GFI1B: variants seen among roughly 807,000 people sequenced by gnomAD.
GFI1B encodes the protein growth factor independent 1B transcriptional repressor, also known as zinc finger protein Gfi-1b.
GFI1B carries 20 observed loss-of-function variants against 35.3 expected under a neutral mutation model. The ratio of observed to expected loss-of-function variants is 0.57; its 90% CI spans 0.40 to 0.82. The LOEUF is 0.82. GFI1B is among the 40% of genes least tolerant of loss of function. The pLI is 0.00. For missense variants in GFI1B, 430 were observed against 446.3 expected, an observed-to-expected ratio of 0.96 and a Z score of 0.33; for synonymous variants, 178 against 177.6, an observed-to-expected ratio of 1.00 and a Z score of -0.02.
At chr9:132,980,251 A>G (rs960749475) in intron 1 of GFI1B, among the ~76,000 whole-genome samples, 1 of 152,170 alleles carries the variant, frequency 6.6e-6, no homozygotes, top group Non-Finnish European at 1.5e-5. Flanking sequence ...ATTGGACAGT[A>G]CAAGGATTTT....
In GFI1B at chr9:132,988,447, C is replaced by G; in HGVS notation, c.489C>G (p.Tyr163Ter). ...SLRYSPGMDA[Y>*]HCVKCNKVFS... Reference sequence around the variant, plus strand: ...GCTACTCCCCAGGCATGGATGCGTACCACTGTGTGAAGTGCAACAAGGTGG... The same window carrying G: ...GCTACTCCCCAGGCATGGATGCGTAGCACTGTGTGAAGTGCAACAAGGTGG... The change falls in exon 4 of 7, where the codon TAC becomes TAG. Residue 163 changes from tyrosine (Y) to a stop codon, truncating the protein, a stop_gained. Coordinates refer to ENST00000372122, the MANE Select transcript of GFI1B (RefSeq NM_001377304.1). LOFTEE classifies it high-confidence loss of function. 3 of 1,613,866 alleles carry G rather than the reference C, an allele frequency of 1.9e-6. No homozygotes were observed. The highest frequency in any genetic ancestry group is 2.5e-6 in the Non-Finnish European group (3 of 1,180,016).
At chr9:132,968,773 T>C (rs1187002991) in intron 1 of GFI1B, among the ~76,000 whole-genome samples, 1 of 152,070 alleles carries the variant, frequency 6.6e-6, no homozygotes, top group Non-Finnish European at 1.5e-5. Context: ...GGCATGGAGG[T>C]TTTGTGGTTT....
In GFI1B at chr9:132,991,068, G is replaced by A; in HGVS notation, c.*18G>A. ...TCAAGTGAGGCTGCGCCGGCTCCCAGCTCCTGGCCAGCCTGCCCTGCGGTC... is the reference window on the plus strand; with the variant it reads ...TCAAGTGAGGCTGCGCCGGCTCCCAACTCCTGGCCAGCCTGCCCTGCGGTC... On this transcript the variant is annotated 3_prime_UTR_variant, in exon 7 of 7. Transcript: ENST00000372122. 1 of 1,610,220 alleles carries A rather than the reference G, an allele frequency of 6.2e-7. No homozygotes were observed. The highest frequency in any genetic ancestry group is 8.5e-7 in the Non-Finnish European group (1 of 1,178,868).
chr9:132,948,025 G>A (rs556790799), intron 1 of GFI1B, among the ~76,000 whole-genome samples: 6 of 152,188 alleles, frequency 3.9e-5, no homozygotes, highest in African/African-American at 1.4e-4. Flanking sequence ...TCAATTTTGC[G>A]TGCCTATTAA....
At chr9:132,973,645 A>G (rs1440573001) in intron 2 of GFI1B, among the ~76,000 whole-genome samples, 1 of 152,154 alleles carries the variant, frequency 6.6e-6, no homozygotes, top group Non-Finnish European at 1.5e-5. Flanking sequence ...AGCTGGATTG[A>G]GCTGTGAAGG....
chr9:132,989,129 C>A lies in GFI1B; in HGVS notation c.579C>A (p.Ala193=). ...CCCATAGTGGGACCCGGCCCTTCGC[C>A]TGTGACATCTGCGGCAAAACCTTCG... ...RRSHSGTRPF[A]CDICGKTFGH... The change falls in exon 5 of 7, where the codon GCC becomes GCA. Residue 193 remains alanine, a synonymous_variant. Coordinates refer to ENST00000372122, the MANE Select transcript of GFI1B (RefSeq NM_001377304.1). The surrounding 1 kb of genome is among the most constrained non-coding windows in gnomAD (Gnocchi z 6.2). 6.2e-7 allele frequency: 1 copy of A among 1,614,004 alleles called. No homozygotes were observed. Among genetic ancestry groups the A allele is most frequent in the South Asian group, 1.1e-5 (1 of 91,084 alleles).
chr9:132,950,520 G>A (rs1848184712), intron 1 of GFI1B, among the ~76,000 whole-genome samples: 1 of 149,354 alleles, frequency 6.7e-6, no homozygotes, highest in Admixed American at 6.7e-5. Context: ...GAACAGGCCA[G>A]GCTCGGTGGC....
intron 1 of GFI1B, chr9:132,951,645 C>G (rs1008454527): frequency 2.0e-5 from 3 of 152,208 alleles, no homozygotes; most frequent in Non-Finnish European, 2.9e-5. Context: ...CACGCAGTCC[C>G]CCTCTCCTCA....
At chr9:132,983,446 C>T (rs374321696) in intron 1 of GFI1B, among the ~76,000 whole-genome samples, 1 of 152,042 alleles carries the variant, frequency 6.6e-6, no homozygotes, top group African/African-American at 2.4e-5. Context: ...CCGTCCGCCT[C>T]GGCCTCCCAA....
chr9:132,986,347 T>C (rs1042041245), intron 1 of GFI1B, among the ~76,000 whole-genome samples: 4 of 151,968 alleles, frequency 2.6e-5, no homozygotes, highest in Non-Finnish European at 5.9e-5. Context: ...CTCTGCTCTG[T>C]TGTCGGCACA....
chr9:132,984,721 G>A (rs1456026192), intron 1 of GFI1B, among the ~76,000 whole-genome samples: 1 of 152,194 alleles, frequency 6.6e-6, no homozygotes. Context: ...TGAGCACTGA[G>A]GCTCAGTGAT....
chr9:132,984,384 C>T (rs1045727723), intron 1 of GFI1B, among the ~76,000 whole-genome samples: 3 of 152,130 alleles, frequency 2.0e-5, no homozygotes, highest in Admixed American at 2.0e-4. Context: ...GGAGATAAGG[C>T]CGTGGGCTGC....
At chr9:132,973,047 G>C (rs1331751135) in intron 2 of GFI1B, among the ~76,000 whole-genome samples, 1 of 152,236 alleles carries the variant, frequency 6.6e-6, no homozygotes, top group Non-Finnish European at 1.5e-5. Flanking sequence ...CTGGCACCAA[G>C]ATGTACATAG....
chr9:132,978,345 A>C (rs202079560), upstream of GFI1B, among the ~76,000 whole-genome samples: 4 of 147,052 alleles, frequency 2.7e-5, no homozygotes, highest in Non-Finnish European at 4.5e-5. Flanking sequence ...GAAAAGAAAG[A>C]AGAAAAAAAC....
At chr9:132,959,966 G>A (rs867755781) in intron 1 of GFI1B, among the ~76,000 whole-genome samples, 3 of 152,134 alleles carry the variant, frequency 2.0e-5, no homozygotes, top group Non-Finnish European at 2.9e-5. Flanking sequence ...ATAAAGTCAC[G>A]TTCTGCGGTT....
chr9:132,970,356 T>C (rs1848514675), intron 1 of GFI1B, among the ~76,000 whole-genome samples: 1 of 152,094 alleles, frequency 6.6e-6, no homozygotes, highest in African/African-American at 2.4e-5. Flanking sequence ...GGGGTGCTAC[T>C]CGAAGGGGCT....
At chr9:132,949,320 C>T (rs936839507) in intron 1 of GFI1B, among the ~76,000 whole-genome samples, 1 of 148,500 alleles carries the variant, frequency 6.7e-6, no homozygotes, top group South Asian at 2.1e-4. Context: ...GCCAAACCCA[C>T]AGATACACAC....
intron 1 of GFI1B, among the ~76,000 whole-genome samples, chr9:132,964,743 C>CTTTT (rs71376675): frequency 2.8e-5 from 3 of 107,938 alleles, no homozygotes; most frequent in Non-Finnish European, 3.7e-5. Context: ...ATTTTTCTTC[C>CTTTT]TTTTTTTTTT....
downstream of GFI1B, among the ~76,000 whole-genome samples, chr9:132,992,704 T>C (rs934383012): frequency 1.3e-5 from 2 of 152,144 alleles, no homozygotes; most frequent in Admixed American, 6.5e-5. Flanking sequence ...TCTCCTCTGA[T>C]ACCGAGCAAC....
Sources: gnomAD v4.1 joint callset for allele counts (sites outside exome capture counted in the v4.1 genomes callset) on GRCh38, gnomAD v4.1.1 for gene constraint, Gnocchi (gnomAD v3.1) non-coding constraint, MANE v1.5 for transcripts, NCBI Gene and HGNC (gene_info 2026-07-23, HGNC 2026-07-21) for gene names.